The following KDM6A variants were observed in gnomAD, a reference collection of about 807,000 sequenced individuals.
The protein encoded by KDM6A is lysine demethylase 6A.
A neutral mutation model predicts 117.6 loss-of-function variants in KDM6A; 11 were observed. The ratio of observed to expected loss-of-function variants is 0.09; its 90% confidence interval spans 0.06 to 0.15. The LOEUF is 0.15. Ranked by LOEUF, KDM6A falls within the 10% of genes least tolerant of loss-of-function variation. KDM6A has a pLI of 1.00. For synonymous variants in KDM6A, 384 were observed against 396.1 expected (o/e 0.97, Z 0.36); for missense variants, 799 against 1,077.3 (o/e 0.74, Z 3.62).
intron 2 of KDM6A, among the ~76,000 whole-genome samples, chrX:44,934,954 G>A (rs918045037): frequency 8.1e-5 from 9 of 111,778 alleles, no homozygotes; most frequent in African/African-American, 2.9e-4. Context: ...GGGAAAGCAA[G>A]GATTTTGTAA....
At chrX:45,073,108 T>C (rs1384479010) in intron 18 of KDM6A, among the ~76,000 whole-genome samples, 3 of 110,104 alleles carry the variant, frequency 2.7e-5, no homozygotes, top group Non-Finnish European at 5.7e-5. Flanking sequence ...TAGCTATGAG[T>C]GAGAACATGC....
intron 4 of KDM6A, among the ~76,000 whole-genome samples, chrX:45,008,892 A>T (rs1192629160): frequency 8.9e-6 from 1 of 112,033 alleles, no homozygotes; most frequent in Non-Finnish European, 1.9e-5. Flanking sequence ...TCATTCGGAA[A>T]ATTGGGGGTA....
At chrX:44,975,646 G>T (rs2039580463) in intron 4 of KDM6A, among the ~76,000 whole-genome samples, 1 of 111,293 alleles carries the variant, frequency 9.0e-6, no homozygotes, top group African/African-American at 3.3e-5. Context: ...TAATTCACAT[G>T]CTATAAAATT....
chrX:45,048,605 G>C (rs1363312448), intron 8 of KDM6A, among the ~76,000 whole-genome samples: 1 of 109,756 alleles, frequency 9.1e-6, no homozygotes, highest in Non-Finnish European at 1.9e-5. Flanking sequence ...CTTCAGCCTA[G>C]TAAGACTGCC....
At chrX:45,086,031 G>A in intron 25 of KDM6A, 52 bp downstream of exon 25, 1 of 740,779 alleles carries the variant, frequency 1.3e-6, no homozygotes, top group East Asian at 3.3e-5. Flanking sequence ...AGCAGTAATT[G>A]TAAACGACAA....
intron 2 of KDM6A, among the ~76,000 whole-genome samples, chrX:44,907,445 T>TTGTGTG (rs71867476): frequency 7.3e-4 from 68 of 93,508 alleles, no homozygotes; most frequent in Non-Finnish European, 1.2e-3. Context: ...GCCCGGCTAA[T>TTGTGTG]TGTGTGTGTG....
chrX:45,043,317 CTT>C (rs1334446990), intron 8 of KDM6A, among the ~76,000 whole-genome samples: 1 of 110,670 alleles, frequency 9.0e-6, no homozygotes, highest in Non-Finnish European at 1.9e-5. Flanking sequence ...AAAAAAAGGT[CTT>C]TTGTAGAGAT....
At chrX:44,978,626 TA>T (rs2039733184) in intron 4 of KDM6A, among the ~76,000 whole-genome samples, 1 of 112,296 alleles carries the variant, frequency 8.9e-6, no homozygotes, top group South Asian at 3.7e-4. Context: ...AGCATTATTT[TA>T]AGCATTTTTT....
intron 4 of KDM6A, among the ~76,000 whole-genome samples, chrX:44,975,099 A>G (rs1291966842): frequency 8.9e-6 from 1 of 111,775 alleles, no homozygotes; most frequent in African/African-American, 3.3e-5. Flanking sequence ...TGTAATGGGA[A>G]AGTTATGATA....
intron 2 of KDM6A, among the ~76,000 whole-genome samples, chrX:44,950,604 C>G (rs867817146): frequency 1.0e-5 from 1 of 98,106 alleles, no homozygotes; most frequent in Non-Finnish European, 2.0e-5. Context: ...GTGTGTGTGT[C>G]TGTGTGTGTG....
chrX:45,046,477 A>G (rs1314478568), intron 8 of KDM6A, among the ~76,000 whole-genome samples: 1 of 111,854 alleles, frequency 8.9e-6, no homozygotes, highest in African/African-American at 3.2e-5. Flanking sequence ...AGTCAGTTAC[A>G]GGCACAAATT....
intron 6 of KDM6A, among the ~76,000 whole-genome samples, chrX:45,024,567 A>G (rs1426555516): frequency 9.0e-6 from 1 of 111,050 alleles, no homozygotes; most frequent in Non-Finnish European, 1.9e-5. Flanking sequence ...CTAGTTTGCG[A>G]ACATTTTCTC....
intron 6 of KDM6A, among the ~76,000 whole-genome samples, chrX:45,024,373 T>C (rs753152492): frequency 8.9e-6 from 1 of 112,294 alleles, no homozygotes; most frequent in Non-Finnish European, 1.9e-5. Flanking sequence ...TTGATTTGCA[T>C]TTCCCTGATC....
intron 4 of KDM6A, among the ~76,000 whole-genome samples, chrX:44,975,975 A>T (rs1286824961): frequency 1.8e-5 from 2 of 112,286 alleles, no homozygotes; most frequent in African/African-American, 6.5e-5. Context: ...CCTGGTATTC[A>T]GTTTGTGAGG....
chrX:44,914,676 A>G (rs1202518702), intron 2 of KDM6A, among the ~76,000 whole-genome samples: 2 of 111,162 alleles, frequency 1.8e-5, no homozygotes, highest in African/African-American at 3.3e-5. Flanking sequence ...TAAACTACTC[A>G]TCAAAGTACC....
At chrX:45,034,819 G>A in intron 6 of KDM6A, 112 bp from the exon 7 acceptor site, 3 of 593,546 alleles carry the variant, frequency 5.1e-6, no homozygotes, top group Non-Finnish European at 8.7e-6. Flanking sequence ...TATTTTATTT[G>A]CATAGCATGT....
At position 45,062,559 on chromosome X, in the gene KDM6A, T is replaced by C; in HGVS notation, c.1582-88T>C. ...TTTGACCAGATAGTGGTTCTGAGTT[T>C]AGTCATTTCAGGGAAAGGTTGCTTA... is the stretch of plus-strand genomic sequence containing the variant. On this transcript the variant is annotated intron_variant, in intron 15 of 29. Coordinates refer to ENST00000611820, the MANE Select transcript of KDM6A (RefSeq NM_001291415.2). The C allele has an allele frequency of 2.2e-5, 14 of 643,926 alleles. No individual in the cohort carries two copies. In the South Asian group the frequency reaches 3.1e-4, roughly 14 times the overall value. 53.1% of individuals were successfully genotyped at this position (643,926 alleles called of 1,213,427 possible).
chrX:44,884,992 C>T (rs968686256), intron 2 of KDM6A, among the ~76,000 whole-genome samples: 2 of 110,399 alleles, frequency 1.8e-5, no homozygotes, highest in East Asian at 5.6e-4. Context: ...TAGTTGTTGA[C>T]ATCTCTTTTT....
chrX:45,012,545 T>C (rs1256566104), intron 5 of KDM6A, among the ~76,000 whole-genome samples: 1 of 111,114 alleles, frequency 9.0e-6, no homozygotes, highest in Admixed American at 9.6e-5. Context: ...CAGAGTCCCT[T>C]CTGTGCTCCA....
Sources: gnomAD v4.1 joint callset for allele counts (sites outside exome capture counted in the v4.1 genomes callset) on GRCh38, gnomAD v4.1.1 for gene constraint, MANE v1.5 for transcripts, NCBI Gene and HGNC (gene_info 2026-07-23, HGNC 2026-07-21) for gene names.